GFPT1: variants seen among roughly 807,000 people sequenced by gnomAD.
GFPT1 encodes the protein glutamine--fructose-6-phosphate transaminase 1, also known as glutamine--fructose-6-phosphate aminotransferase [isomerizing] 1.
In GFPT1, 40 loss-of-function variants were observed where a neutral mutation model predicts 92.0. The ratio of observed to expected loss-of-function variants is 0.43; its 90% confidence interval spans 0.34 to 0.57. The LOEUF (loss-of-function observed/expected upper bound fraction) is 0.57, where lower values mean the gene tolerates loss of function less well. GFPT1 is among the 20% of genes least tolerant of loss of function. The pLI is 0.02. For missense variants in GFPT1, 448 were observed against 869.1 expected (o/e 0.52, Z 6.09); for synonymous variants, 269 against 280.6 (o/e 0.96, Z 0.41).
chr2:69,354,774 C>A (rs2104648512), intron 7 of GFPT1, among the ~76,000 whole-genome samples: 1 of 152,262 alleles, frequency 6.6e-6, no homozygotes, highest in East Asian at 1.9e-4. Context: ...CCCAGCACTT[C>A]AGGAGGCCTA....
intron 15 of GFPT1, among the ~76,000 whole-genome samples, chr2:69,333,704 A>G (rs1237976169): frequency 6.6e-6 from 1 of 152,208 alleles, no homozygotes. Flanking sequence ...ATACCCATCA[A>G]TTCCTCCAGT....
chr2:69,363,532 A>T lies in GFPT1; in HGVS notation c.349+13T>A, dbSNP rs771834976. On this transcript the variant is annotated intron_variant, in intron 4 of 19. Coordinates refer to ENST00000357308, the MANE Select transcript of GFPT1 (RefSeq NM_001244710.2). ...TCCACAATCATTCCAAAGCACAAAA[A>T]ATCTTTCCATACCATTATTTTTATC... 1.2e-6 allele frequency: 2 copies of T among 1,613,732 alleles called. No individual in the cohort carries two copies. Among genetic ancestry groups the T allele is most frequent in the South Asian group, 1.1e-5 (1 of 91,078 alleles).
chr2:69,363,718 G>A, intron 3 of GFPT1, 48 bp from the exon 4 acceptor site: 1 of 1,299,244 alleles, frequency 7.7e-7, no homozygotes, highest in Non-Finnish European at 1.1e-6. Context: ...ATGCTGCAGA[G>A]ATAATGCTAT....
rs959280184 is a variant in GFPT1, at chr2:69,320,152, G to A, written c.*6037C>T. On this transcript the variant is annotated 3_prime_UTR_variant, in exon 20 of 20. Coordinates refer to ENST00000357308, the MANE Select transcript of GFPT1 (RefSeq NM_001244710.2). ...GTAACCTAAAAGGGAGCTACTGGCAGAAATAAAAACTAGTGATACTGATAA... is the reference window on the plus strand; with the variant it reads ...GTAACCTAAAAGGGAGCTACTGGCAAAAATAAAAACTAGTGATACTGATAA... 2.0e-5 allele frequency: 3 copies of A among 152,222 alleles called. No individual in the cohort carries two copies. Among genetic ancestry groups the A allele is most frequent in the African/African-American group, 7.2e-5 (3 of 41,470 alleles). The allele number at this position is 152,222 out of a possible 1,614,324, so 9.4% of individuals were successfully genotyped here. A position where few individuals can be genotyped will look rare whatever the true frequency, so the allele number is the denominator to read the frequency against.
intron 1 of GFPT1, among the ~76,000 whole-genome samples, chr2:69,382,091 T>G (rs1672026976): frequency 6.6e-6 from 1 of 151,878 alleles, no homozygotes. Context: ...CTCAAACTCC[T>G]GACCTCAAGT....
chr2:69,341,292 C>T (rs1229407964), intron 13 of GFPT1, among the ~76,000 whole-genome samples: 1 of 152,064 alleles, frequency 6.6e-6, no homozygotes, highest in East Asian at 1.9e-4. Context: ...TTCAACATTA[C>T]ATAGACTTTC....
At chr2:69,326,339 A>G in intron 19 of GFPT1, 106 bp from the exon 20 acceptor site, 1 of 711,612 alleles carries the variant, frequency 1.4e-6, no homozygotes, top group South Asian at 1.6e-5. Flanking sequence ...ACAGAAAACA[A>G]TACATTCATT....
At chr2:69,365,018 A>G (rs978022012) in intron 3 of GFPT1, among the ~76,000 whole-genome samples, 1 of 150,966 alleles carries the variant, frequency 6.6e-6, no homozygotes, top group Non-Finnish European at 1.5e-5. Context: ...AAAAAAAAAA[A>G]AAGAAGTAGC....
At chr2:69,364,946 G>C (rs528047126) in intron 3 of GFPT1, among the ~76,000 whole-genome samples, 8 of 116,242 alleles carry the variant, frequency 6.9e-5, no homozygotes, top group Non-Finnish European at 1.3e-4. Context: ...AGTGAGCTGA[G>C]ATCACATCAC....
chr2:69,377,515 C>T (rs1671906064), intron 1 of GFPT1, among the ~76,000 whole-genome samples: 1 of 149,266 alleles, frequency 6.7e-6, no homozygotes, highest in African/African-American at 2.5e-5. Flanking sequence ...AAAAAAATAG[C>T]CAGCTGTGGT....
chr2:69,320,035 T>G lies in GFPT1; in HGVS notation c.*6154A>C, dbSNP rs1383696153. The stretch of plus-strand genomic sequence containing the variant: ...GATATCTTCCATCTCCTTATGGGCA[T>G]TACTTGAAGATAACAATGGAGCAAG... On this transcript the variant is annotated 3_prime_UTR_variant, in exon 20 of 20. Transcript: ENST00000357308. 6.6e-6 allele frequency: 1 copy of G among 152,204 alleles called. No individual in the cohort carries two copies. Among genetic ancestry groups the G allele is most frequent in the Non-Finnish European group, 1.5e-5 (1 of 68,038 alleles). 9.4% of individuals were successfully genotyped at this position (152,204 alleles called of 1,614,324 possible).
chr2:69,382,768 T>C (rs1317023885), intron 1 of GFPT1, among the ~76,000 whole-genome samples: 1 of 152,176 alleles, frequency 6.6e-6, no homozygotes, highest in African/African-American at 2.4e-5. Context: ...AGTATACTAA[T>C]ACTCTACAAG....
rs113914392 is a variant in GFPT1 at position 69,363,207 on chromosome 2, G to A, written c.349+338C>T. Among the ~76,000 whole-genome samples, 2,248 of 152,212 alleles carry A rather than the reference G, an allele frequency of 0.015. 130 individuals carry two copies. The East Asian group carries it at 0.18, about 12-fold the overall frequency. ...CAGCCTCTACCTCCTGGGCTTAAACGATCCTCCCACCTCAGTCTCCCGAGT... is the reference window on the plus strand; with the variant it reads ...CAGCCTCTACCTCCTGGGCTTAAACAATCCTCCCACCTCAGTCTCCCGAGT... On this transcript the variant is annotated intron_variant, in intron 4 of 19. Transcript: ENST00000357308.
chr2:69,386,622 A>G (rs1672134179), intron 1 of GFPT1, among the ~76,000 whole-genome samples: 1 of 152,230 alleles, frequency 6.6e-6, no homozygotes, highest in Non-Finnish European at 1.5e-5. Flanking sequence ...AGAAACAAGT[A>G]AAATATTTTT....
intron 1 of GFPT1, among the ~76,000 whole-genome samples, chr2:69,381,234 C>T (rs1289185976): frequency 5.3e-5 from 8 of 152,190 alleles, no homozygotes; most frequent in Non-Finnish European, 7.3e-5. Flanking sequence ...CTGCCCGCCT[C>T]GGCCTCCCAA....
chr2:69,387,186 G>C lies in GFPT1; in HGVS notation c.-115C>G. ...TCGGGGGCCGGGGTGGCGCCGACAC[G>C]ACTCCCTCGGGGATGCGACGGCCAA... On this transcript the variant is annotated 5_prime_UTR_variant, in exon 1 of 20. Coordinates refer to ENST00000357308, the MANE Select transcript of GFPT1 (RefSeq NM_001244710.2). 1 of 1,196,362 alleles carries C rather than the reference G, an allele frequency of 8.4e-7. No homozygotes were observed. The highest frequency in any genetic ancestry group is 1.1e-6 in the Non-Finnish European group (1 of 877,422). 74.1% of individuals were successfully genotyped at this position (1,196,362 alleles called of 1,614,324 possible).
At chr2:69,380,913 C>T (rs373485654) in intron 1 of GFPT1, among the ~76,000 whole-genome samples, 12 of 152,280 alleles carry the variant, frequency 7.9e-5, no homozygotes, top group African/African-American at 2.9e-4. Flanking sequence ...CTACATACTA[C>T]TCTCAAATCC....
intron 10 of GFPT1, among the ~76,000 whole-genome samples, chr2:69,349,252 T>A (rs1344299729): frequency 6.6e-6 from 1 of 152,222 alleles, no homozygotes; most frequent in Non-Finnish European, 1.5e-5. Flanking sequence ...CGCTAGCATA[T>A]GACTTCACCC....
intron 14 of GFPT1, 134 bp downstream of exon 14, chr2:69,338,311 C>T (rs902059577): frequency 3.8e-5 from 31 of 821,020 alleles, no homozygotes; most frequent in Non-Finnish European, 5.9e-5. Context: ...AATTATGTAA[C>T]ATTAAAATAA....
Sources: gnomAD v4.1 joint callset for allele counts (sites outside exome capture counted in the v4.1 genomes callset) on GRCh38, gnomAD v4.1.1 for gene constraint, MANE v1.5 for transcripts, NCBI Gene and HGNC (gene_info 2026-07-23, HGNC 2026-07-21) for gene names.